SLC35D4: variants seen among roughly 807,000 people sequenced by gnomAD.
SLC35D4 encodes UDP-N-acetylglucosamine transporter SLC35D4.
the SLC35D4 span, among the ~76,000 whole-genome samples, chr18:23,384,057 G>A: frequency 6.6e-6 from 1 of 150,964 alleles, no homozygotes; most frequent in African/African-American, 2.4e-5. Flanking sequence ...AGAAGGCTGA[G>A]GCAGGAGGAT....
the SLC35D4 span, among the ~76,000 whole-genome samples, chr18:23,264,353 C>CTT: frequency 5.0e-4 from 28 of 56,060 alleles, 3 homozygotes; most frequent in Non-Finnish European, 7.9e-4. Flanking sequence ...CACTTTATTC[C>CTT]TTTTTTTTTT....
the SLC35D4 span, among the ~76,000 whole-genome samples, chr18:23,342,006 G>A: frequency 6.6e-6 from 1 of 151,214 alleles, no homozygotes; most frequent in Non-Finnish European, 1.5e-5. Flanking sequence ...AAAAAAAAAT[G>A]TCCTAAATCC....
the SLC35D4 span, among the ~76,000 whole-genome samples, chr18:23,319,274 T>G: frequency 6.7e-6 from 1 of 149,104 alleles, no homozygotes; most frequent in Admixed American, 6.6e-5. Flanking sequence ...ATTTATTTAT[T>G]TATTTATTTA....
At chr18:23,377,799 CA>C in the SLC35D4 span, 3 of 796,468 alleles carry the variant, frequency 3.8e-6, no homozygotes, top group Non-Finnish European at 3.6e-6. Context: ...CAGCTTGCTG[CA>C]CTTTAGTATT....
At chr18:23,399,112 C>T in the SLC35D4 span, among the ~76,000 whole-genome samples, 3 of 152,210 alleles carry the variant, frequency 2.0e-5, no homozygotes, top group Non-Finnish European at 2.9e-5. Context: ...CTAGCTTCCC[C>T]GTGTACAGGA....
chr18:23,365,680 A>C, the SLC35D4 span: 1 of 1,613,282 alleles, frequency 6.2e-7, no homozygotes, highest in South Asian at 1.1e-5. Context: ...TGGAAAAGAG[A>C]CAGCAAAGTA....
At chr18:23,308,997 C>A in the SLC35D4 span, among the ~76,000 whole-genome samples, 1 of 151,840 alleles carries the variant, frequency 6.6e-6, no homozygotes, top group African/African-American at 2.4e-5. Flanking sequence ...TTGCCTACAA[C>A]CCATGCACAT....
At chr18:23,429,378 C>G in the SLC35D4 span, among the ~76,000 whole-genome samples, 9 of 151,720 alleles carry the variant, frequency 5.9e-5, no homozygotes, top group Admixed American at 5.3e-4. Flanking sequence ...TTTTTTTAGA[C>G]GGATTTTCAC....
chr18:23,336,751 G>A, the SLC35D4 span, among the ~76,000 whole-genome samples: 1 of 152,198 alleles, frequency 6.6e-6, no homozygotes, highest in African/African-American at 2.4e-5. Context: ...GTGAACTGGG[G>A]AGAGGAGCCC....
chr18:23,270,360 G>A, the SLC35D4 span, among the ~76,000 whole-genome samples: 2 of 152,246 alleles, frequency 1.3e-5, no homozygotes, highest in Non-Finnish European at 2.9e-5. Flanking sequence ...AGGAATGCCT[G>A]CATGTCTAGG....
At chr18:23,403,766 T>C in the SLC35D4 span, among the ~76,000 whole-genome samples, 3 of 152,184 alleles carry the variant, frequency 2.0e-5, no homozygotes, top group African/African-American at 7.2e-5. Flanking sequence ...AGATATCAAG[T>C]AGGCAACTGG....
the SLC35D4 span, among the ~76,000 whole-genome samples, chr18:23,275,823 A>C: frequency 6.6e-6 from 1 of 152,196 alleles, no homozygotes; most frequent in South Asian, 2.1e-4. Context: ...ATGCTAGGTA[A>C]GAATAAAGGG....
At chr18:23,436,817 T>C in the SLC35D4 span, among the ~76,000 whole-genome samples, 5 of 151,952 alleles carry the variant, frequency 3.3e-5, no homozygotes, top group African/African-American at 9.7e-5. Context: ...AAAAATCAAC[T>C]GGAGAAGGAA....
the SLC35D4 span, chr18:23,365,573 T>A: frequency 6.3e-7 from 1 of 1,591,004 alleles, no homozygotes; most frequent in East Asian, 2.2e-5. Flanking sequence ...AGAGACAGGC[T>A]CACTGGGTCC....
chr18:23,420,912 C>T, the SLC35D4 span, among the ~76,000 whole-genome samples: 14 of 152,006 alleles, frequency 9.2e-5, no homozygotes, highest in East Asian at 1.9e-4. Context: ...CTAAACCTCA[C>T]GGTTAGAAGG....
the SLC35D4 span, among the ~76,000 whole-genome samples, chr18:23,369,694 C>T: frequency 6.6e-6 from 1 of 152,180 alleles, no homozygotes; most frequent in South Asian, 2.1e-4. Flanking sequence ...TGGCTAAAGG[C>T]AGACATGTTC....
the SLC35D4 span, among the ~76,000 whole-genome samples, chr18:23,376,647 TG>T: frequency 6.6e-6 from 1 of 152,170 alleles, no homozygotes; most frequent in Non-Finnish European, 1.5e-5. Flanking sequence ...GATATCCTGA[TG>T]GGTTTGGTGT....
the SLC35D4 span, among the ~76,000 whole-genome samples, chr18:23,351,001 C>A: frequency 1.3e-5 from 2 of 152,162 alleles, no homozygotes; most frequent in African/African-American, 2.4e-5. Flanking sequence ...AGCTTTCTAG[C>A]TGTTTTTTGG....
chr18:23,404,401 G>A, the SLC35D4 span, among the ~76,000 whole-genome samples: 95 of 151,596 alleles, frequency 6.3e-4, no homozygotes, highest in African/African-American at 2.3e-3. Flanking sequence ...CAGGCAAGGC[G>A]CGGTGGCTCA....
Sources: gnomAD v4.1 joint callset for allele counts (sites outside exome capture counted in the v4.1 genomes callset) on GRCh38, gnomAD v4.1.1 for gene constraint, MANE v1.5 for transcripts, NCBI Gene and HGNC (gene_info 2026-07-23, HGNC 2026-07-21) for gene names.